The following PDE4D variants were observed in gnomAD, a reference collection of about 807,000 sequenced individuals.
The protein encoded by PDE4D is phosphodiesterase 4D.
A neutral mutation model predicts 87.4 loss-of-function variants in PDE4D; 24 were observed. The ratio of observed to expected loss-of-function variants is 0.27; its 90% CI spans 0.20 to 0.39. The LOEUF is 0.39. PDE4D is among the 10% of genes least tolerant of loss of function. The pLI is 1.00. For synonymous variants in PDE4D, 384 were observed against 383.2 expected (o/e 1.00, Z -0.02); for missense variants, 714 against 1,041.0 (o/e 0.69, Z 4.32).
chr5:59,965,785 CCA>C (rs1402965953), intron 3 of PDE4D, among the ~76,000 whole-genome samples: 1 of 152,104 alleles, frequency 6.6e-6, no homozygotes, highest in Non-Finnish European at 1.5e-5. Context: ...CTGTAAAGCA[CCA>C]GATATTAAAC....
At chr5:60,242,849 T>G (rs571606915) in intron 1 of PDE4D, among the ~76,000 whole-genome samples, 4 of 151,896 alleles carry the variant, frequency 2.6e-5, no homozygotes, top group Non-Finnish European at 4.4e-5. Flanking sequence ...AAAGGGAAAC[T>G]TATAGTTTTA....
At chr5:59,476,394 G>A (rs1177033521) in intron 1 of PDE4D, among the ~76,000 whole-genome samples, 1 of 152,066 alleles carries the variant, frequency 6.6e-6, no homozygotes, top group African/African-American at 2.4e-5. Flanking sequence ...GGTACTTTAT[G>A]TAGGATATAT....
At chr5:59,481,967 G>A (rs1240730499) in intron 1 of PDE4D, among the ~76,000 whole-genome samples, 2 of 151,916 alleles carry the variant, frequency 1.3e-5, no homozygotes, top group African/African-American at 4.8e-5. Flanking sequence ...CTTCCCCACT[G>A]CAGTCTGAAT....
At chr5:60,520,275 C>T (rs985975932) in intron 1 of PDE4D, among the ~76,000 whole-genome samples, 1 of 152,174 alleles carries the variant, frequency 6.6e-6, no homozygotes, top group Non-Finnish European at 1.5e-5. Context: ...GTACCCCAAC[C>T]CACCCCATTT....
At chr5:60,220,668 C>G (rs115063740) in intron 1 of PDE4D, among the ~76,000 whole-genome samples, 2 of 152,070 alleles carry the variant, frequency 1.3e-5, no homozygotes, top group Non-Finnish European at 2.9e-5. Context: ...ATGAACATTG[C>G]AGAAAAAACC....
At chr5:59,216,060 T>C (rs1751188891) in intron 1 of PDE4D, 92 bp from the exon 2 acceptor site, 1 of 833,726 alleles carries the variant, frequency 1.2e-6, no homozygotes, top group Admixed American at 2.9e-5. Context: ...GAACTGACAG[T>C]GGAATTAGCA....
intron 2 of PDE4D, among the ~76,000 whole-genome samples, chr5:60,090,624 A>G (rs1775022501): frequency 6.6e-6 from 1 of 152,206 alleles, no homozygotes. Context: ...GAACAAGACA[A>G]TGATGCCCAC....
intron 1 of PDE4D, among the ~76,000 whole-genome samples, chr5:60,289,906 C>T (rs1414052021): frequency 1.3e-5 from 2 of 152,078 alleles, no homozygotes. Flanking sequence ...GCATCTTTTA[C>T]CTCATGTCAC....
At chr5:59,587,719 G>A in intron 1 of PDE4D, 4 of 525,830 alleles carry the variant, frequency 7.6e-6, no homozygotes, top group Non-Finnish European at 9.8e-6. Flanking sequence ...ACATTGCAGA[G>A]CCGCGCACTC....
intron 3 of PDE4D, among the ~76,000 whole-genome samples, chr5:59,931,788 G>A (rs536445323): frequency 7.9e-4 from 113 of 143,144 alleles, no homozygotes; most frequent in African/African-American, 2.6e-3. Flanking sequence ...TGCAAGCTCC[G>A]CCTCCCAGGT....
At chr5:60,497,695 G>A (rs1583938765) in intron 1 of PDE4D, among the ~76,000 whole-genome samples, 1 of 152,048 alleles carries the variant, frequency 6.6e-6, no homozygotes, top group Non-Finnish European at 1.5e-5. Flanking sequence ...GAGTCATGGG[G>A]CACACCAGCC....
intron 1 of PDE4D, among the ~76,000 whole-genome samples, chr5:59,408,615 G>A (rs944235727): frequency 6.6e-6 from 1 of 152,204 alleles, no homozygotes; most frequent in Non-Finnish European, 1.5e-5. Flanking sequence ...ACCTGGGAAA[G>A]CCGTAGGCAC....
At chr5:60,271,434 T>C (rs188384366) in intron 1 of PDE4D, among the ~76,000 whole-genome samples, 5 of 152,298 alleles carry the variant, frequency 3.3e-5, no homozygotes, top group Admixed American at 3.3e-4. Flanking sequence ...AACTGGAAAT[T>C]AAAGGAACAA....
chr5:60,325,892 A>G (rs1259154430), intron 1 of PDE4D, among the ~76,000 whole-genome samples: 3 of 152,122 alleles, frequency 2.0e-5, no homozygotes, highest in African/African-American at 7.2e-5. Context: ...CATTTCAACA[A>G]TGTTATATAA....
chr5:60,224,279 CTCTG>C (rs1744841745), intron 1 of PDE4D, among the ~76,000 whole-genome samples: 1 of 152,070 alleles, frequency 6.6e-6, no homozygotes. Context: ...AGTTAGACAA[CTCTG>C]TCTATTGCAG....
At chr5:59,308,127 C>T (rs35037415) in intron 1 of PDE4D, among the ~76,000 whole-genome samples, 14,860 of 150,622 alleles carry the variant, frequency 0.099, 820 homozygotes, top group East Asian at 0.21. Context: ...AACCAAACAC[C>T]GCATGTTCTC....
chr5:59,951,537 A>T (rs779089570), intron 3 of PDE4D, among the ~76,000 whole-genome samples: 1 of 152,234 alleles, frequency 6.6e-6, no homozygotes, highest in Non-Finnish European at 1.5e-5. Context: ...TTTGTGAAAG[A>T]TTCATGATGT....
chr5:59,520,299 A>G (rs1811962752), intron 1 of PDE4D, among the ~76,000 whole-genome samples: 1 of 152,162 alleles, frequency 6.6e-6, no homozygotes. Context: ...GAGACCATTT[A>G]TGGGGATGGG....
chr5:59,296,454 A>T (rs1340154700), intron 1 of PDE4D, among the ~76,000 whole-genome samples: 1 of 152,174 alleles, frequency 6.6e-6, no homozygotes, highest in Non-Finnish European at 1.5e-5. Flanking sequence ...TTAGCTAATG[A>T]TTAACTAAAG....
Sources: allele counts gnomAD v4.1 joint callset (sites outside exome capture counted in the v4.1 genomes callset), GRCh38; gene constraint gnomAD v4.1.1; transcripts MANE v1.5; gene names NCBI Gene and HGNC (gene_info 2026-07-23, HGNC 2026-07-21).